The following FMO1 variants were observed in gnomAD, a reference collection of about 807,000 sequenced individuals.
The protein encoded by FMO1 is flavin-containing monooxygenase 1.
In FMO1, 36 loss-of-function variants were observed where a neutral mutation model predicts 45.4. That is an observed-to-expected ratio of 0.79 (90% CI 0.61 to 1.05). FMO1 has a LOEUF of 1.05. Among genes scored for constraint, FMO1 ranks in the 50% least tolerant of loss-of-function variants. FMO1 has a pLI of 0.00. For missense variants in FMO1, 615 were observed against 640.3 expected, an observed-to-expected ratio of 0.96 and a Z score of 0.43; for synonymous variants, 228 against 227.2, an observed-to-expected ratio of 1.00 and a Z score of -0.03.
In FMO1 at chr1:171,282,198, G is replaced by C. The variant is rs568908115; in HGVS notation, c.1048G>C (p.Ala350Pro). Residue 350 changes from alanine to proline, a missense_variant, in exon 7 of 9, where the codon GCC becomes CCC. Ala to Pro is a conservative substitution (Grantham distance 27). Coordinates refer to ENST00000617670, the MANE Select transcript of FMO1 (RefSeq NM_001282693.2). ...ESVVKVEDGQ[A>P]SLYKYIFPAH... ...TGTAGTGAAAGTTGAAGATGGCCAGGCCTCACTGTACAAGTATATCTTCCC... is the reference window on the plus strand; with the variant it reads ...TGTAGTGAAAGTTGAAGATGGCCAGCCCTCACTGTACAAGTATATCTTCCC... 1 of 1,613,994 alleles carries C rather than the reference G, an allele frequency of 6.2e-7. No individual in the cohort carries two copies. The highest frequency in any genetic ancestry group is 1.1e-5 in the South Asian group (1 of 91,076).
chr1:171,262,093 A>G (rs774358214), intron 2 of FMO1, among the ~76,000 whole-genome samples: 1 of 152,214 alleles, frequency 6.6e-6, no homozygotes, highest in Non-Finnish European at 1.5e-5. Context: ...ATCAAATATT[A>G]CTTTCAGAGA....
At chr1:171,275,949 T>G (rs1241080003) in intron 4 of FMO1, among the ~76,000 whole-genome samples, 1 of 152,136 alleles carries the variant, frequency 6.6e-6, no homozygotes, top group Admixed American at 6.5e-5. Flanking sequence ...ATGTGAGTGA[T>G]AGCAATTAGA....
intron 1 of FMO1, among the ~76,000 whole-genome samples, chr1:171,257,493 A>G (rs1660208642): frequency 6.6e-6 from 1 of 152,082 alleles, no homozygotes; most frequent in African/African-American, 2.4e-5. Flanking sequence ...GTGACCTGTG[A>G]AAGGGACACA....
chr1:171,269,986 T>C (rs1660779814), intron 3 of FMO1, among the ~76,000 whole-genome samples: 1 of 152,238 alleles, frequency 6.6e-6, no homozygotes, highest in African/African-American at 2.4e-5. Flanking sequence ...TTTCATAGTC[T>C]TCACTGAGAC....
chr1:171,283,019 A>G (rs1429565647), intron 7 of FMO1, 125 bp from the exon 8 acceptor site: 2 of 643,986 alleles, frequency 3.1e-6, no homozygotes, highest in Non-Finnish European at 5.5e-6. Flanking sequence ...CATTTTTGCC[A>G]GAAGGATCAA....
intron 1 of FMO1, among the ~76,000 whole-genome samples, chr1:171,249,781 T>C (rs1659800186): frequency 6.6e-6 from 1 of 152,048 alleles, no homozygotes; most frequent in African/African-American, 2.4e-5. Context: ...GAGGGCTGGA[T>C]ACAAATCTGA....
chr1:171,254,402 A>G (rs890460812), intron 1 of FMO1, among the ~76,000 whole-genome samples: 2 of 152,126 alleles, frequency 1.3e-5, no homozygotes, highest in Admixed American at 6.5e-5. Context: ...GTTAATTTTT[A>G]AATTGAAATG....
intron 1 of FMO1, 192 bp from the exon 2 acceptor site, chr1:171,257,890 A>G: frequency 1.7e-6 from 1 of 583,276 alleles, no homozygotes; most frequent in Admixed American, 2.8e-5. Flanking sequence ...AGGGGCGGGA[A>G]CATACCAAGC....
At chr1:171,263,755 C>A (rs896661400) in intron 2 of FMO1, among the ~76,000 whole-genome samples, 1 of 152,086 alleles carries the variant, frequency 6.6e-6, no homozygotes. Flanking sequence ...AACTGGTGGA[C>A]CCCCCACCAG....
rs770338150 is a variant in FMO1, at chr1:171,280,870, C to T, written c.712C>T (p.Arg238Cys). ...CCCATGGGACATGGTGTTCATGACA[C>T]GCTTTCAGAACATGTTGAGAAATTC... ...GYPWDMVFMT[R>C]FQNMLRNSLP... Residue 238 changes from arginine (R) to cysteine (C), a missense_variant, in exon 6 of 9, where the codon CGC (arginine) becomes TGC (cysteine). By Grantham distance (180) the Arg-to-Cys change is radical. Coordinates refer to ENST00000617670, the MANE Select transcript of FMO1 (RefSeq NM_001282693.2). The T allele has an allele frequency of 3.5e-5, 57 of 1,613,814 alleles. No individual in the cohort carries two copies. Among genetic ancestry groups the T allele is most frequent in the East Asian group, 2.0e-4 (9 of 44,888 alleles).
At chr1:171,281,196 T>G (rs1661346785) in intron 6 of FMO1, among the ~76,000 whole-genome samples, 1 of 152,208 alleles carries the variant, frequency 6.6e-6, no homozygotes, top group Admixed American at 6.5e-5. Flanking sequence ...TACGTATTAT[T>G]ATAATAATCC....
chr1:171,256,413 C>T (rs1255742424), intron 1 of FMO1, among the ~76,000 whole-genome samples: 1 of 152,022 alleles, frequency 6.6e-6, no homozygotes, highest in Non-Finnish European at 1.5e-5. Flanking sequence ...CATGTGTCTA[C>T]CCCCAATACC....
At chr1:171,263,440 A>T (rs1244532138) in intron 2 of FMO1, among the ~76,000 whole-genome samples, 1 of 152,184 alleles carries the variant, frequency 6.6e-6, no homozygotes. Context: ...ACTACATTGC[A>T]TGCATTTCTG....
At chr1:171,273,047 G>A (rs914756012) in intron 3 of FMO1, among the ~76,000 whole-genome samples, 1 of 152,168 alleles carries the variant, frequency 6.6e-6, no homozygotes, top group African/African-American at 2.4e-5. Context: ...GGGTCCAGTG[G>A]GAGGTAACCG....
chr1:171,263,702 C>T (rs1660478794), intron 2 of FMO1, among the ~76,000 whole-genome samples: 2 of 152,198 alleles, frequency 1.3e-5, no homozygotes, highest in African/African-American at 4.8e-5. Flanking sequence ...GTCGCCCCAT[C>T]CATTTTTAGA....
intron 3 of FMO1, among the ~76,000 whole-genome samples, chr1:171,273,354 G>T (rs996823493): frequency 6.6e-6 from 1 of 152,154 alleles, no homozygotes; most frequent in Non-Finnish European, 1.5e-5. Context: ...GATTTCCAAA[G>T]AGTATTTTAT....
intron 2 of FMO1, among the ~76,000 whole-genome samples, chr1:171,261,887 A>G (rs181700728): frequency 6.0e-4 from 92 of 152,276 alleles, no homozygotes; most frequent in Admixed American, 1.2e-3. Context: ...ACACTGGGGA[A>G]GGAGAGAGGG....
At position 171,272,901 on chromosome 1, in the gene FMO1, G is replaced by C. The variant is rs368974066; in HGVS notation, c.322-2445G>C. 7.2e-4 allele frequency among the ~76,000 whole-genome samples: 110 copies of C among 152,288 alleles called. 1 individual carries two copies. The highest frequency in any genetic ancestry group is 9.1e-4 in the Non-Finnish European group (62 of 68,020). ...AATGCTGAAATGAGTTAAGACCTTG[G>C]GGGGGAACTGTTGGGAAGGCATAAT... is the stretch of plus-strand genomic sequence containing the variant. On this transcript the variant is annotated intron_variant, in intron 3 of 8. Coordinates refer to ENST00000617670, the MANE Select transcript of FMO1 (RefSeq NM_001282693.2).
chr1:171,281,699 T>A (rs1661364556), intron 6 of FMO1, among the ~76,000 whole-genome samples: 3 of 152,168 alleles, frequency 2.0e-5, no homozygotes, highest in Non-Finnish European at 4.4e-5. Context: ...AGAATGACAG[T>A]GACAGATGAA....
Sources: allele counts gnomAD v4.1 joint callset (sites outside exome capture counted in the v4.1 genomes callset), GRCh38; gene constraint gnomAD v4.1.1; transcripts MANE v1.5; gene names NCBI Gene and HGNC (gene_info 2026-07-23, HGNC 2026-07-21).